The following ARHGEF33 variants were observed in gnomAD, a reference collection of about 807,000 sequenced individuals.
ARHGEF33 encodes Rho guanine nucleotide exchange factor 33.
Under a neutral mutation model 101.9 loss-of-function variants are expected in ARHGEF33, and 72 were observed. The ratio of observed to expected loss-of-function variants is 0.71; its 90% CI spans 0.58 to 0.86. ARHGEF33 has a LOEUF of 0.86. Among genes scored for constraint, ARHGEF33 ranks in the 40% least tolerant of loss-of-function variants. The probability of loss-of-function intolerance (pLI) is 0.00; values close to 1 mark genes in which losing one functional copy is unlikely to be tolerated. For synonymous variants in ARHGEF33, 499 were observed against 442.5 expected, an observed-to-expected ratio of 1.13 and a Z score of -1.60; for missense variants, 1,169 against 1,111.3, an observed-to-expected ratio of 1.05 and a Z score of -0.74.
At chr2:38,901,942 C>T (rs1343128006) in intron 2 of ARHGEF33, among the ~76,000 whole-genome samples, 1 of 151,974 alleles carries the variant, frequency 6.6e-6, no homozygotes. Context: ...AGTGAAACCC[C>T]ATCTCTACTA....
At chr2:38,921,622 G>A (rs1317367263) in intron 4 of ARHGEF33, among the ~76,000 whole-genome samples, 199 bp downstream of exon 4, 2 of 151,738 alleles carry the variant, frequency 1.3e-5, no homozygotes, top group Admixed American at 6.6e-5. Flanking sequence ...ATTTTTTTTT[G>A]AGACAGGGTC....
At position 38,956,981 on chromosome 2, in the gene ARHGEF33, C is replaced by G; in HGVS notation, c.1304C>G (p.Ser435Ter). ...GTCCAGCGCCTCCGAGTATTTATCT[C>G]ACACTACACCCTGCTGTTTCAATGC... is the stretch of plus-strand genomic sequence containing the variant. ...VCVQRLRVFI[S>*]HYTLLFQCNE... The change falls in exon 14 of 18, where the codon TCA becomes TGA. Residue 435 changes from serine to a stop codon, truncating the protein, a stop_gained. Transcript: ENST00000409978. LOFTEE classifies it high-confidence loss of function. 6 of 1,552,228 alleles carry G rather than the reference C, an allele frequency of 3.9e-6. No individual in the cohort carries two copies. The highest frequency in any genetic ancestry group is 5.2e-6 in the Non-Finnish European group (6 of 1,147,114).
chr2:38,945,869 G>T (rs753485622), intron 10 of ARHGEF33, among the ~76,000 whole-genome samples: 2 of 152,172 alleles, frequency 1.3e-5, no homozygotes, highest in Non-Finnish European at 2.9e-5. Context: ...ACAGACGAAG[G>T]AACTAAGGCC....
intron 9 of ARHGEF33, among the ~76,000 whole-genome samples, chr2:38,939,129 C>T (rs1286437530): frequency 1.3e-5 from 2 of 152,066 alleles, no homozygotes; most frequent in East Asian, 1.9e-4. Flanking sequence ...TGCACCACCA[C>T]GTCTGGCTAA....
intron 2 of ARHGEF33, among the ~76,000 whole-genome samples, chr2:38,904,235 T>C (rs1666335972): frequency 6.6e-6 from 1 of 152,062 alleles, no homozygotes. Context: ...GATTTGTCCA[T>C]TGGAGTGGGA....
rs1395229247 is a variant in ARHGEF33 at position 38,931,112 on chromosome 2, A to C, written c.366A>C (p.Lys122Asn). ...TGTCTTTGTTTCTCTTTCCTAGGAA[A>C]ACTCAAAAAGAAGAGCACAGCTCAC... ...RRESRKVKAK[K>N]TQKEEHSSQA... The change falls in exon 7 of 18, where the codon AAA (lysine) becomes AAC (asparagine). Residue 122 changes from lysine (K) to asparagine (N), a missense_variant. Coordinates refer to ENST00000409978, the MANE Select transcript of ARHGEF33 (RefSeq NM_001145451.5). The C allele has an allele frequency of 6.5e-7, 1 of 1,542,308 alleles. No individual in the cohort carries two copies. Among genetic ancestry groups the C allele is most frequent in the African/African-American group, 1.4e-5 (1 of 72,324 alleles).
In ARHGEF33 at chr2:38,959,919, C is replaced by A; in HGVS notation, c.1614C>A (p.Asp538Glu). Residue 538 changes from aspartate (D) to glutamate (E), a missense_variant, in exon 16 of 18, where the codon GAC (aspartate) becomes GAA (glutamate). By Grantham distance (45) the Asp-to-Glu change is conservative. Coordinates refer to ENST00000409978, the MANE Select transcript of ARHGEF33 (RefSeq NM_001145451.5). ...GCATGCAGCCCGGGAAGCCCAGTGA[C>A]TGGGAGCTGGAGGGCAGGAAGCACG... ...MESMQPGKPS[D>E]WELEGRKHER... 1.3e-6 allele frequency: 2 copies of A among 1,551,860 alleles called. No homozygotes were observed. The highest frequency in any genetic ancestry group is 1.4e-5 in the African/African-American group (1 of 73,176).
At chr2:38,945,587 A>G (rs537918708) in intron 10 of ARHGEF33, among the ~76,000 whole-genome samples, 198 of 152,240 alleles carry the variant, frequency 1.3e-3, no homozygotes, top group African/African-American at 4.4e-3. Flanking sequence ...GGAAGTCTCT[A>G]TGGGCTCCAG....
intron 10 of ARHGEF33, among the ~76,000 whole-genome samples, chr2:38,944,900 T>C (rs1048309111): frequency 7.9e-5 from 12 of 151,816 alleles, no homozygotes; most frequent in African/African-American, 1.5e-4. Flanking sequence ...TGTGTGTGTG[T>C]GCGCGCTCAT....
At chr2:38,952,621 C>T (rs1011929653) in intron 11 of ARHGEF33, among the ~76,000 whole-genome samples, 1 of 152,188 alleles carries the variant, frequency 6.6e-6, no homozygotes, top group Non-Finnish European at 1.5e-5. Context: ...ATTTCACTTT[C>T]TCTCATTAGG....
intron 8 of ARHGEF33, 82 bp from the exon 9 acceptor site, chr2:38,937,253 G>C (rs929405792): frequency 4.3e-5 from 31 of 717,542 alleles, no homozygotes; most frequent in South Asian, 3.3e-4. Flanking sequence ...CTCGGCCTCC[G>C]AAAGTGGTAA....
At chr2:38,939,612 A>T (rs115913953) in intron 9 of ARHGEF33, among the ~76,000 whole-genome samples, 4 of 152,162 alleles carry the variant, frequency 2.6e-5, no homozygotes, top group African/African-American at 9.7e-5. Flanking sequence ...TATGCTTATT[A>T]GCTATTCATA....
At chr2:38,948,061 A>G (rs1201963913) in intron 10 of ARHGEF33, among the ~76,000 whole-genome samples, 1 of 152,162 alleles carries the variant, frequency 6.6e-6, no homozygotes, top group Non-Finnish European at 1.5e-5. Flanking sequence ...ATAAACTACT[A>G]ATGTTGCCAA....
chr2:38,937,314 C>CGGGGGGG, intron 8 of ARHGEF33, 21 bp from the exon 9 acceptor site: 3 of 281,680 alleles, frequency 1.1e-5, no homozygotes, highest in East Asian at 1.5e-4. Flanking sequence ...TGTTTCCCCG[C>CGGGGGGG]CCCTCCCCCC....
At chr2:38,945,524 C>G (rs1391635529) in intron 10 of ARHGEF33, among the ~76,000 whole-genome samples, 3 of 152,272 alleles carry the variant, frequency 2.0e-5, no homozygotes, top group African/African-American at 7.2e-5. Context: ...CCTTCCCTAT[C>G]TGGCCCTTCC....
At chr2:38,922,696 A>G (rs770244054) in intron 4 of ARHGEF33, among the ~76,000 whole-genome samples, 1 of 152,206 alleles carries the variant, frequency 6.6e-6, no homozygotes, top group Non-Finnish European at 1.5e-5. Context: ...TTATGTGTCC[A>G]CAGCCTGAAA....
At chr2:38,900,817 C>T (rs1263249320) in intron 2 of ARHGEF33, among the ~76,000 whole-genome samples, 1 of 152,300 alleles carries the variant, frequency 6.6e-6, no homozygotes, top group Non-Finnish European at 1.5e-5. Flanking sequence ...CTGGCACTTG[C>T]TTGAATGGAT....
rs1239672603 is a variant in ARHGEF33 at position 38,960,098 on chromosome 2, C to T, written c.1793C>T (p.Pro598Leu). ...AACGTGGAGCGCTCCCTGCGCGCCCCGGCCGAGCTCCTGCCCGATGCCCGC... is the reference window on the plus strand; with the variant it reads ...AACGTGGAGCGCTCCCTGCGCGCCCTGGCCGAGCTCCTGCCCGATGCCCGC... The part of the protein sequence containing the change: ...LGNVERSLRA[P>L]AELLPDARGF... The change falls in exon 16 of 18, where the codon CCG becomes CTG. Residue 598 changes from proline to leucine, a missense_variant. Coordinates refer to ENST00000409978, the MANE Select transcript of ARHGEF33 (RefSeq NM_001145451.5). 6.5e-7 allele frequency: 1 copy of T among 1,541,968 alleles called. No individual in the cohort carries two copies. The highest frequency in any genetic ancestry group is 8.7e-7 in the Non-Finnish European group (1 of 1,144,862).
rs1303636990 is a variant in ARHGEF33, at chr2:38,959,992, C to A, written c.1687C>A (p.Gln563Lys). The A allele has an allele frequency of 1.3e-6, 2 of 1,550,656 alleles. No homozygotes were observed. Among genetic ancestry groups the A allele is most frequent in the Non-Finnish European group, 1.7e-6 (2 of 1,146,626 alleles). ...ACCGACGCAGTTCTGCGCGGCCGAG[C>A]AGGACGTGAAGGCGCTGGCCGGGCC... ...LAPTQFCAAEQDVKALAGPLQ... is the reference protein window; with the variant it reads ...LAPTQFCAAEKDVKALAGPLQ... The change falls in exon 16 of 18, where the codon CAG becomes AAG. Residue 563 changes from glutamine (Q) to lysine (K), a missense_variant. Coordinates refer to ENST00000409978, the MANE Select transcript of ARHGEF33 (RefSeq NM_001145451.5).
Sources: allele counts gnomAD v4.1 joint callset (sites outside exome capture counted in the v4.1 genomes callset), GRCh38; gene constraint gnomAD v4.1.1; transcripts MANE v1.5; gene names NCBI Gene and HGNC (gene_info 2026-07-23, HGNC 2026-07-21).